The following LARGE1 variants were observed in gnomAD, a reference collection of about 807,000 sequenced individuals.
The protein encoded by LARGE1 is xylosyl- and glucuronyltransferase LARGE1.
In LARGE1, 43 loss-of-function variants were observed where a neutral mutation model predicts 87.6. That is an observed-to-expected ratio of 0.49 (90% CI 0.38 to 0.63). The LOEUF (loss-of-function observed/expected upper bound fraction) is 0.63. Ranked by LOEUF, LARGE1 falls within the 30% of genes least tolerant of loss-of-function variation. The pLI, the probability that LARGE1 is intolerant of heterozygous loss-of-function variation, is 0.00. For missense variants in LARGE1, 802 were observed against 1,000.2 expected, an observed-to-expected ratio of 0.80 and a Z score of 2.67; for synonymous variants, 434 against 394.6, an observed-to-expected ratio of 1.10 and a Z score of -1.18.
intron 12 of LARGE1, among the ~76,000 whole-genome samples, chr22:33,283,857 TAAAGAAAGAAAAAAGAAGGA>T (rs1930982708): frequency 1.2e-5 from 1 of 82,870 alleles, no homozygotes; most frequent in Non-Finnish European, 2.7e-5. Flanking sequence ...AAAGAAAAAG[TAAAGAAAGAAAAAAGAAGGA>T]AAAGAAAGAA....
At chr22:33,564,054 G>T (rs1012616933) in intron 6 of LARGE1, among the ~76,000 whole-genome samples, 2 of 152,110 alleles carry the variant, frequency 1.3e-5, no homozygotes, top group African/African-American at 4.8e-5. Context: ...TGGCAGAAGG[G>T]ATTTTAAACA....
intron 5 of LARGE1, among the ~76,000 whole-genome samples, chr22:33,584,985 T>C (rs543468700): frequency 1.3e-5 from 2 of 151,912 alleles, no homozygotes; most frequent in African/African-American, 4.8e-5. Context: ...GGCATGGTGA[T>C]GCGCGCCTGT....
At chr22:33,514,926 C>A (rs182364269) in intron 6 of LARGE1, among the ~76,000 whole-genome samples, 2 of 152,260 alleles carry the variant, frequency 1.3e-5, no homozygotes, top group East Asian at 3.9e-4. Flanking sequence ...ACACACAGCA[C>A]TGTGTGAACA....
At chr22:33,108,336 A>T in the LARGE1 span, among the ~76,000 whole-genome samples, 1 of 152,252 alleles carries the variant, frequency 6.6e-6, no homozygotes, top group Non-Finnish European at 1.5e-5. Flanking sequence ...AGGGAGACAG[A>T]CACGTGCAAC....
At chr22:33,827,050 T>C (rs1185245425) in intron 1 of LARGE1, among the ~76,000 whole-genome samples, 3 of 152,018 alleles carry the variant, frequency 2.0e-5, no homozygotes. Context: ...TTATCAATGC[T>C]TTCTCCTAAG....
At chr22:33,606,803 G>T (rs1243789022) in intron 4 of LARGE1, among the ~76,000 whole-genome samples, 1 of 152,074 alleles carries the variant, frequency 6.6e-6, no homozygotes, top group Admixed American at 6.5e-5. Context: ...TCCACATTCA[G>T]CACTTGGTTA....
At chr22:33,603,976 G>A (rs1465909608) in intron 5 of LARGE1, among the ~76,000 whole-genome samples, 1 of 152,210 alleles carries the variant, frequency 6.6e-6, no homozygotes, top group Non-Finnish European at 1.5e-5. Context: ...ATCCCCATGA[G>A]TTTGGTATTT....
chr22:33,241,614 CTA>C (rs562505006), intron 11 of LARGE1, among the ~76,000 whole-genome samples: 231 of 151,022 alleles, frequency 1.5e-3, no homozygotes, highest in African/African-American at 5.4e-3. Context: ...ATATATGTAT[CTA>C]TGTACATATA....
Position 33,283,358 on chromosome 22 carries a change from G to A in LARGE1, c.1731-10C>T, listed in dbSNP as rs772579469. The A allele has an allele frequency of 6.2e-7, 1 of 1,614,178 alleles. No individual in the cohort carries two copies. The highest frequency in any genetic ancestry group is 8.5e-7 in the Non-Finnish European group (1 of 1,180,032). On this transcript the variant is annotated splice_polypyrimidine_tract_variant and intron_variant, in intron 12 of 14. Transcript: ENST00000397394. Reference sequence around the variant, plus strand: ...CTGGATGACAGACTTCCTGAAAAGAGGGGACAGGCAGAGAGACAGAGTCCC... The same window carrying A: ...CTGGATGACAGACTTCCTGAAAAGAAGGGACAGGCAGAGAGACAGAGTCCC...
chr22:33,823,226 T>C (rs1361436955), intron 1 of LARGE1, among the ~76,000 whole-genome samples: 5 of 152,168 alleles, frequency 3.3e-5, no homozygotes, highest in Admixed American at 6.6e-5. Context: ...ACACAGACCA[T>C]AGCACATACC....
chr22:33,724,138 A>C (rs912388793), intron 2 of LARGE1: 1 of 153,014 alleles, frequency 6.5e-6, no homozygotes. Flanking sequence ...GCAGAGCACG[A>C]GTGTGCAAGG....
At chr22:33,083,233 C>CAAGTCTCTGTTCTTTCACT in the LARGE1 span, among the ~76,000 whole-genome samples, 3 of 152,108 alleles carry the variant, frequency 2.0e-5, no homozygotes, top group Non-Finnish European at 4.4e-5. Context: ...ATGTGAGTCT[C>CAAGTCTCTGTTCTTTCACT]AAGTCTCTGT....
At chr22:33,174,528 T>C (rs1922755803) in intron 11 of LARGE1, among the ~76,000 whole-genome samples, 2 of 152,110 alleles carry the variant, frequency 1.3e-5, no homozygotes, top group Non-Finnish European at 2.9e-5. Context: ...GAAAAACCCT[T>C]CAAAAAATCA....
chr22:33,530,338 G>A (rs1340731265), intron 6 of LARGE1, among the ~76,000 whole-genome samples: 1 of 152,110 alleles, frequency 6.6e-6, no homozygotes, highest in East Asian at 1.9e-4. Context: ...ACAGTTACTT[G>A]CAGCCAAAAG....
chr22:33,812,417 C>T (rs2086523811), intron 1 of LARGE1, among the ~76,000 whole-genome samples: 1 of 152,228 alleles, frequency 6.6e-6, no homozygotes, highest in Non-Finnish European at 1.5e-5. Flanking sequence ...CCCCCAGACA[C>T]ATGCACAAGT....
At chr22:33,413,146 A>T (rs2066369331) in intron 7 of LARGE1, among the ~76,000 whole-genome samples, 1 of 150,370 alleles carries the variant, frequency 6.7e-6, no homozygotes, top group Non-Finnish European at 1.5e-5. Flanking sequence ...AGTCTAAAAT[A>T]AAAAAAAAAT....
intron 1 of LARGE1, among the ~76,000 whole-genome samples, chr22:33,802,265 T>C (rs1323095195): frequency 6.6e-6 from 1 of 152,178 alleles, no homozygotes; most frequent in African/African-American, 2.4e-5. Context: ...CCACTGCAAA[T>C]GGCTCAGAAC....
At chr22:33,334,447 A>C (rs573609392) in intron 10 of LARGE1, among the ~76,000 whole-genome samples, 1 of 151,926 alleles carries the variant, frequency 6.6e-6, no homozygotes, top group East Asian at 1.9e-4. Flanking sequence ...ACCAAACAAA[A>C]AGAAACAGGG....
At chr22:33,408,178 T>C (rs2066171466) in intron 7 of LARGE1, among the ~76,000 whole-genome samples, 2 of 151,752 alleles carry the variant, frequency 1.3e-5, no homozygotes, top group South Asian at 4.1e-4. Flanking sequence ...AAAGACGGGG[T>C]TTTGCCATGT....
Sources: gnomAD v4.1 joint callset for allele counts (sites outside exome capture counted in the v4.1 genomes callset) on GRCh38, gnomAD v4.1.1 for gene constraint, MANE v1.5 for transcripts, NCBI Gene and HGNC (gene_info 2026-07-23, HGNC 2026-07-21) for gene names.